Variants in ZRANB3 observed in about 807,000 individuals in gnomAD.
ZRANB3 encodes zinc finger RANBP2-type containing 3.
ZRANB3 carries 125 observed loss-of-function variants against 133.8 expected under a neutral mutation model. The observed-to-expected ratio is 0.93, with a 90% confidence interval of 0.81 to 1.08. ZRANB3 has a LOEUF of 1.08. Among genes scored for constraint, ZRANB3 ranks in the 50% least tolerant of loss-of-function variants. The pLI, the probability that ZRANB3 is intolerant of heterozygous loss-of-function variation, is 0.00. For synonymous variants in ZRANB3, 387 were observed against 432.7 expected (o/e 0.89, Z 1.31); for missense variants, 1,229 against 1,275.5 (o/e 0.96, Z 0.56).
At chr2:135,246,575 A>G (rs1476996599) in intron 12 of ZRANB3, among the ~76,000 whole-genome samples, 1 of 152,234 alleles carries the variant, frequency 6.6e-6, no homozygotes, top group Non-Finnish European at 1.5e-5. Context: ...TAAAGAAGGA[A>G]GAGTGATCTA....
At chr2:135,414,965 G>A (rs1442570353) in intron 2 of ZRANB3, among the ~76,000 whole-genome samples, 1 of 151,830 alleles carries the variant, frequency 6.6e-6, no homozygotes, top group Non-Finnish European at 1.5e-5. Context: ...GTGTGTAGAG[G>A]GAAATTTATA....
At chr2:135,436,827 A>G (rs951864545) in intron 2 of ZRANB3, among the ~76,000 whole-genome samples, 2 of 152,248 alleles carry the variant, frequency 1.3e-5, no homozygotes, top group Non-Finnish European at 2.9e-5. Flanking sequence ...AGCAAAAAGA[A>G]TAAGGCTGGA....
At chr2:135,238,078 T>C (rs1029143694) in intron 12 of ZRANB3, among the ~76,000 whole-genome samples, 9 of 152,230 alleles carry the variant, frequency 5.9e-5, no homozygotes, top group Admixed American at 4.6e-4. Flanking sequence ...TTTCATCTTT[T>C]CAATGTGTGA....
intron 3 of ZRANB3, among the ~76,000 whole-genome samples, chr2:135,378,873 G>A (rs1455720548): frequency 6.6e-6 from 1 of 152,168 alleles, no homozygotes; most frequent in Non-Finnish European, 1.5e-5. Flanking sequence ...CAAACAGTGT[G>A]TGAGAAATTG....
At chr2:135,266,179 TGTGTGACACA>T (rs1355432047) in intron 11 of ZRANB3, among the ~76,000 whole-genome samples, 1 of 151,710 alleles carries the variant, frequency 6.6e-6, no homozygotes, top group African/African-American at 2.4e-5. Context: ...ACCGCACTCC[TGTGTGACACA>T]GTGAGACTCT....
intron 12 of ZRANB3, among the ~76,000 whole-genome samples, chr2:135,238,584 G>C (rs1359428142): frequency 2.0e-5 from 3 of 152,060 alleles, no homozygotes; most frequent in African/African-American, 7.2e-5. Flanking sequence ...GGTGGGTCTT[G>C]AACTCCTGAC....
At chr2:135,291,510 T>C (rs1206918561) in intron 8 of ZRANB3, among the ~76,000 whole-genome samples, 1 of 152,146 alleles carries the variant, frequency 6.6e-6, no homozygotes, top group African/African-American at 2.4e-5. Context: ...GGTTTGGTTG[T>C]TTAACGTAAT....
chr2:135,198,989 A>G lies in ZRANB3; in HGVS notation c.*1353T>C, dbSNP rs1573651475. On this transcript the variant is annotated 3_prime_UTR_variant, in exon 21 of 21. Transcript: ENST00000264159. ...CAAACAGCTCCCTTTTGGGAATGTAATTCTTCCTCGGTCCTGTATTTTGTA... is the reference window on the plus strand; with the variant it reads ...CAAACAGCTCCCTTTTGGGAATGTAGTTCTTCCTCGGTCCTGTATTTTGTA... 1.3e-5 allele frequency: 2 copies of G among 152,194 alleles called. No individual in the cohort carries two copies. The highest frequency in any genetic ancestry group is 2.9e-5 in the Non-Finnish European group (2 of 68,032). The allele number at this position is 152,194 out of a possible 1,614,324, so 9.4% of individuals were successfully genotyped here.
chr2:135,288,467 T>G (rs955835768), intron 8 of ZRANB3, among the ~76,000 whole-genome samples: 2 of 152,212 alleles, frequency 1.3e-5, no homozygotes, highest in African/African-American at 4.8e-5. Context: ...TAGGGAGGAT[T>G]CCCACTTTAT....
intron 12 of ZRANB3, among the ~76,000 whole-genome samples, chr2:135,245,239 T>C (rs1366901065): frequency 1.3e-5 from 2 of 152,176 alleles, no homozygotes; most frequent in Admixed American, 1.3e-4. Context: ...GGATTTCCTA[T>C]GAGGTAATCA....
chr2:135,395,289 A>G (rs969127022), intron 2 of ZRANB3, among the ~76,000 whole-genome samples: 1 of 152,140 alleles, frequency 6.6e-6, no homozygotes, highest in Non-Finnish European at 1.5e-5. Context: ...GGAAAACTGG[A>G]TATCTGCATT....
intron 2 of ZRANB3, among the ~76,000 whole-genome samples, chr2:135,485,649 G>A (rs943522351): frequency 1.3e-5 from 2 of 152,122 alleles, no homozygotes; most frequent in South Asian, 2.1e-4. Flanking sequence ...GAGATATTGC[G>A]GGTTCCGTTC....
At chr2:135,219,200 A>G (rs745677400) in intron 15 of ZRANB3, 22 bp from the exon 16 acceptor site, 9 of 1,439,812 alleles carry the variant, frequency 6.3e-6, no homozygotes, top group Non-Finnish European at 7.4e-6. Flanking sequence ...TTAGGAAGAC[A>G]CTAATAATCC....
chr2:135,220,815 T>C (rs1241683006), intron 15 of ZRANB3, among the ~76,000 whole-genome samples: 1 of 152,034 alleles, frequency 6.6e-6, no homozygotes, highest in Non-Finnish European at 1.5e-5. Flanking sequence ...GTTACTACTC[T>C]TCCTTTAAAG....
intron 3 of ZRANB3, among the ~76,000 whole-genome samples, chr2:135,354,534 C>T (rs1558938816): frequency 6.6e-6 from 1 of 152,168 alleles, no homozygotes; most frequent in Admixed American, 6.5e-5. Flanking sequence ...CTCAAATGTA[C>T]TTCACCTGTG....
At chr2:135,402,264 G>A (rs1211057808) in intron 2 of ZRANB3, among the ~76,000 whole-genome samples, 1 of 150,558 alleles carries the variant, frequency 6.6e-6, no homozygotes, top group Admixed American at 6.6e-5. Context: ...AAACTTTATT[G>A]CATATACACG....
chr2:135,370,379 AC>A (rs1384872944), intron 3 of ZRANB3, among the ~76,000 whole-genome samples: 5 of 151,922 alleles, frequency 3.3e-5, no homozygotes, highest in African/African-American at 1.2e-4. Context: ...TTCTTATGCC[AC>A]TGCATCCTCA....
chr2:135,390,847 A>G, intron 2 of ZRANB3, 27 bp from the exon 3 acceptor site: 3 of 1,501,984 alleles, frequency 2.0e-6, no homozygotes, highest in East Asian at 4.9e-5. Flanking sequence ...AAAAAAATTA[A>G]TTATCAGAGT....
At chr2:135,274,587 T>C (rs1680690686) in intron 9 of ZRANB3, among the ~76,000 whole-genome samples, 1 of 152,114 alleles carries the variant, frequency 6.6e-6, no homozygotes, top group Admixed American at 6.5e-5. Context: ...TCTTTTTTTT[T>C]AGCAACCTTT....
Sources: gnomAD v4.1 joint callset for allele counts (sites outside exome capture counted in the v4.1 genomes callset) on GRCh38, gnomAD v4.1.1 for gene constraint, MANE v1.5 for transcripts, NCBI Gene and HGNC (gene_info 2026-07-23, HGNC 2026-07-21) for gene names.